The following CTNNA3 variants were observed in gnomAD, a reference collection of about 807,000 sequenced individuals.
CTNNA3 encodes the protein catenin alpha 3.
In CTNNA3, 76 loss-of-function variants were observed where a neutral mutation model predicts 95.7. That is an observed-to-expected ratio of 0.79 (90% CI 0.66 to 0.96). CTNNA3 has a LOEUF of 0.96. CTNNA3 is among the 40% of genes least tolerant of loss of function. The probability of loss-of-function intolerance (pLI) is 0.00; values close to 1 mark genes in which losing one functional copy is unlikely to be tolerated. For missense variants in CTNNA3, 1,191 were observed against 1,089.8 expected, an observed-to-expected ratio of 1.09 and a Z score of -1.31; for synonymous variants, 431 against 374.4, an observed-to-expected ratio of 1.15 and a Z score of -1.74.
chr10:67,604,290 T>C (rs1843187319), intron 3 of CTNNA3, among the ~76,000 whole-genome samples: 1 of 152,102 alleles, frequency 6.6e-6, no homozygotes, highest in South Asian at 2.1e-4. Flanking sequence ...AAACTGCGAG[T>C]TCCTGTTTGG....
intron 7 of CTNNA3, among the ~76,000 whole-genome samples, chr10:66,952,910 G>A (rs1391960584): frequency 2.0e-5 from 3 of 152,060 alleles, no homozygotes; most frequent in East Asian, 1.9e-4. Context: ...AGCCAGCACA[G>A]TAGTGTTACA....
intron 15 of CTNNA3, among the ~76,000 whole-genome samples, chr10:66,001,722 AC>A (rs1420071818): frequency 1.3e-5 from 2 of 152,046 alleles, no homozygotes; most frequent in African/African-American, 4.8e-5. Flanking sequence ...ATAAAAATCT[AC>A]CTTTTCATTT....
chr10:66,345,137 C>T (rs1051925386), intron 12 of CTNNA3, among the ~76,000 whole-genome samples: 7 of 151,806 alleles, frequency 4.6e-5, no homozygotes, highest in African/African-American at 9.7e-5. Context: ...GAAATTTTGC[C>T]GGCATTCTGA....
chr10:65,982,646 A>G (rs2078343436), intron 16 of CTNNA3, among the ~76,000 whole-genome samples: 1 of 150,736 alleles, frequency 6.6e-6, no homozygotes, highest in Admixed American at 6.7e-5. Context: ...TTATATATAC[A>G]TATATATATA....
At chr10:66,361,313 C>T (rs1352566621) in intron 12 of CTNNA3, among the ~76,000 whole-genome samples, 12 of 144,610 alleles carry the variant, frequency 8.3e-5, no homozygotes, top group Admixed American at 7.0e-5. Context: ...CTCCCCTCCC[C>T]GCCCCTCCCC....
intron 10 of CTNNA3, among the ~76,000 whole-genome samples, chr10:66,604,846 A>G (rs1049428851): frequency 5.3e-5 from 8 of 151,564 alleles, no homozygotes; most frequent in Non-Finnish European, 1.0e-4. Flanking sequence ...ACATTAGTCC[A>G]CAAAGATGAG....
At chr10:66,044,847 G>A (rs7918256) in intron 15 of CTNNA3, among the ~76,000 whole-genome samples, 50,788 of 151,956 alleles carry the variant, frequency 0.33, 8,487 homozygotes, top group South Asian at 0.42. Context: ...CATTTTATAT[G>A]CATTATTATA....
intron 7 of CTNNA3, among the ~76,000 whole-genome samples, chr10:66,963,242 T>C (rs953616003): frequency 6.6e-6 from 1 of 152,190 alleles, no homozygotes; most frequent in African/African-American, 2.4e-5. Context: ...CATTATGCCA[T>C]GGAAGAGCAA....
At chr10:66,490,636 G>T (rs542157480) in intron 11 of CTNNA3, among the ~76,000 whole-genome samples, 1 of 152,276 alleles carries the variant, frequency 6.6e-6, no homozygotes, top group African/African-American at 2.4e-5. Context: ...CATTAGGGCA[G>T]TTCTCAAATG....
chr10:66,298,892 A>G (rs565100577), intron 12 of CTNNA3, among the ~76,000 whole-genome samples: 1 of 152,282 alleles, frequency 6.6e-6, no homozygotes, highest in South Asian at 2.1e-4. Context: ...GAGCCCCCAA[A>G]TCACTAATCT....
intron 7 of CTNNA3, among the ~76,000 whole-genome samples, chr10:66,802,926 A>C (rs1841486492): frequency 6.6e-6 from 1 of 151,968 alleles, no homozygotes; most frequent in African/African-American, 2.4e-5. Flanking sequence ...TGTTCAAAGA[A>C]ATCTGAACCT....
At chr10:66,272,141 C>T (rs982319363) in intron 13 of CTNNA3, among the ~76,000 whole-genome samples, 2 of 152,132 alleles carry the variant, frequency 1.3e-5, no homozygotes, top group African/African-American at 4.8e-5. Flanking sequence ...ACTAAGGTTA[C>T]TTTGCTATTG....
chr10:66,258,897 C>T (rs61867264), intron 13 of CTNNA3, among the ~76,000 whole-genome samples: 16,990 of 152,050 alleles, frequency 0.11, 1,217 homozygotes, highest in East Asian at 0.26. Flanking sequence ...TACAGGAATG[C>T]GGAAAAAGAG....
chr10:66,823,193 G>A (rs1326783458), intron 7 of CTNNA3, among the ~76,000 whole-genome samples: 1 of 152,182 alleles, frequency 6.6e-6, no homozygotes, highest in Non-Finnish European at 1.5e-5. Context: ...CTGGTGGTGA[G>A]AACTGAGCAG....
chr10:66,764,458 G>A (rs1402340420), intron 9 of CTNNA3, among the ~76,000 whole-genome samples: 1 of 152,140 alleles, frequency 6.6e-6, no homozygotes, highest in African/African-American at 2.4e-5. Flanking sequence ...GATTTTTCAA[G>A]AATGTAAATT....
chr10:66,283,588 T>C (rs1415674243), intron 12 of CTNNA3, among the ~76,000 whole-genome samples: 4 of 151,910 alleles, frequency 2.6e-5, no homozygotes, highest in African/African-American at 9.7e-5. Flanking sequence ...TTAACTCCTC[T>C]AAGGGCCTTT....
intron 1 of CTNNA3, among the ~76,000 whole-genome samples, chr10:67,691,862 C>A (rs1260492762): frequency 6.8e-6 from 1 of 148,144 alleles, no homozygotes; most frequent in Non-Finnish European, 1.5e-5. Flanking sequence ...CTCTGCCTGG[C>A]CAGCTGCCCC....
intron 9 of CTNNA3, among the ~76,000 whole-genome samples, chr10:66,750,577 C>T (rs1839092119): frequency 6.6e-6 from 1 of 152,082 alleles, no homozygotes; most frequent in Admixed American, 6.6e-5. Flanking sequence ...ATCTATTTAC[C>T]TTTTTTGTTC....
chr10:66,336,056 T>A (rs1269028860), intron 12 of CTNNA3, among the ~76,000 whole-genome samples: 1 of 152,084 alleles, frequency 6.6e-6, no homozygotes, highest in Non-Finnish European at 1.5e-5. Context: ...TCTCCTGGTG[T>A]GCTATTTGCT....
Sources: gnomAD v4.1 joint callset for allele counts (sites outside exome capture counted in the v4.1 genomes callset) on GRCh38, gnomAD v4.1.1 for gene constraint, MANE v1.5 for transcripts, NCBI Gene and HGNC (gene_info 2026-07-23, HGNC 2026-07-21) for gene names.